TRRAP: variants seen among roughly 807,000 people sequenced by gnomAD.
The protein encoded by TRRAP is transformation/transcription domain associated protein.
In TRRAP, 41 loss-of-function variants were observed where a neutral mutation model predicts 438.8. The observed-to-expected ratio is 0.09, with a 90% CI of 0.07 to 0.12. The LOEUF is 0.12. Among genes scored for constraint, TRRAP ranks in the 10% least tolerant of loss-of-function variants. The probability of loss-of-function intolerance (pLI) is 1.00; values close to 1 mark genes in which losing one functional copy is unlikely to be tolerated. For synonymous variants in TRRAP, 1,994 were observed against 1,962.9 expected (o/e 1.02, Z -0.42); for missense variants, 3,122 against 5,055.1 (o/e 0.62, Z 11.60).
At position 98,993,618 on chromosome 7, in the gene TRRAP, C is replaced by G; in HGVS notation, c.9928C>G (p.Pro3310Ala). 6.2e-7 allele frequency: 1 copy of G among 1,614,218 alleles called. No individual in the cohort carries two copies. Among genetic ancestry groups the G allele is most frequent in the Non-Finnish European group, 8.5e-7 (1 of 1,180,050 alleles). The change falls in exon 66 of 73, where the codon CCC (proline) becomes GCC (alanine). Residue 3310 changes from proline to alanine, a missense_variant. Pro to Ala is a conservative substitution (Grantham distance 27, BLOSUM62 -1). Around this residue, in one of 24 missense-constraint regions of TRRAP, gnomAD observed 107 missense variants for 327.5 expected, o/e 0.33. Transcript: ENST00000456197. ...SDPGPIRATA[P>A]MWRCSRIMHM... ...TCCAGGGCCCATAAGAGCAACAGCA[C>G]CCATGTGGCGCTGCAGCCGAATCAT...
intron 4 of TRRAP, among the ~76,000 whole-genome samples, chr7:98,891,873 G>A (rs1429311426): frequency 7.2e-5 from 11 of 152,118 alleles, no homozygotes; most frequent in Admixed American, 5.2e-4. Context: ...TTTAAAAAAC[G>A]TTCCCATAAT....
intron 53 of TRRAP, among the ~76,000 whole-genome samples, chr7:98,972,505 A>G (rs190275506): frequency 1.9e-4 from 29 of 152,322 alleles, no homozygotes; most frequent in African/African-American, 6.7e-4. Context: ...AAATGAGTTA[A>G]TTTGCTAAAT....
intron 30 of TRRAP, among the ~76,000 whole-genome samples, chr7:98,939,842 CT>C (rs1365087464): frequency 1.3e-5 from 2 of 152,120 alleles, no homozygotes; most frequent in African/African-American, 4.8e-5. Context: ...TTTTTGCTGC[CT>C]TTGTATGCTT....
chr7:98,888,437 T>C (rs1795809340), intron 3 of TRRAP, among the ~76,000 whole-genome samples: 1 of 151,408 alleles, frequency 6.6e-6, no homozygotes, highest in African/African-American at 2.4e-5. Context: ...CTCGAGAGGC[T>C]GAGGCAGGAG....
At chr7:98,897,655 CTTTTTGTTTT>C (rs1796276191) in intron 7 of TRRAP, 76 bp from the exon 8 acceptor site, 1 of 1,465,472 alleles carries the variant, frequency 6.8e-7, no homozygotes, top group African/African-American at 1.5e-5. Context: ...AGTCAAGCGT[CTTTTTGTTTT>C]GTTTTGTTTT....
At chr7:98,888,186 C>T (rs887331173) in intron 3 of TRRAP, among the ~76,000 whole-genome samples, 7 of 150,706 alleles carry the variant, frequency 4.6e-5, no homozygotes, top group Admixed American at 6.6e-5. Flanking sequence ...GCCGAGATCA[C>T]GCCACTGCAC....
rs933033662 is a variant in TRRAP, at chr7:99,005,983, T to C, written c.10753+635T>C. On this transcript the variant is annotated intron_variant, in intron 69 of 72. Transcript: ENST00000456197. The surrounding 1 kb of genome is among the most constrained non-coding windows in gnomAD (Gnocchi z 5.1). ...GGTTTCCAGCGCGCCTCTAGCTGCT[T>C]CACACGCTGCACTCTGGGCCCTCCC... 6.6e-6 allele frequency among the ~76,000 whole-genome samples: 1 copy of C among 152,108 alleles called. No individual in the cohort carries two copies. The highest frequency in any genetic ancestry group is 1.5e-5 in the Non-Finnish European group (1 of 67,998).
At chr7:98,936,951 G>A (rs927397623) in intron 28 of TRRAP, among the ~76,000 whole-genome samples, 13 of 152,234 alleles carry the variant, frequency 8.5e-5, no homozygotes, top group South Asian at 4.1e-4. Context: ...AAATTCAGCC[G>A]GGGGCAGTGG....
At chr7:98,939,474 T>C (rs141290798) in intron 30 of TRRAP, among the ~76,000 whole-genome samples, 99 of 152,328 alleles carry the variant, frequency 6.5e-4, no homozygotes, top group African/African-American at 2.3e-3. Flanking sequence ...ACCTAAATAA[T>C]AATGACCCAA....
Position 98,908,940 on chromosome 7 carries a change from A to ACCT in TRRAP, c.1329_1330insCTC (p.Asp443_Val444insLeu). 1 of 1,613,638 alleles carries ACCT rather than the reference A, an allele frequency of 6.2e-7. No individual in the cohort carries two copies. The highest frequency in any genetic ancestry group is 8.5e-7 in the Non-Finnish European group (1 of 1,179,874). The stretch of plus-strand genomic sequence containing the variant: ...GAGCAGGAGAGTGGCAATGGGAGAG[A>ACCT]CGTCCTGATGCGGATGCTGGAGGTA... On this transcript the variant is annotated inframe_insertion, in exon 14 of 73. Transcript: ENST00000456197. This position sits in a 1 kb window ranked among gnomAD's most constrained non-coding sequence, Gnocchi z 4.1.
chr7:98,899,150 C>T (rs564396068), intron 8 of TRRAP, among the ~76,000 whole-genome samples: 1 of 152,296 alleles, frequency 6.6e-6, no homozygotes, highest in African/African-American at 2.4e-5. Context: ...GATCGCACCA[C>T]TGCATTCCAG....
intron 12 of TRRAP, among the ~76,000 whole-genome samples, chr7:98,904,950 AT>A (rs1433584065): frequency 2.6e-5 from 4 of 152,212 alleles, no homozygotes; most frequent in African/African-American, 7.2e-5. Context: ...GTGGTAACTC[AT>A]TTTCACTCAT....
Position 98,987,087 on chromosome 7 carries a change from C to T in TRRAP, c.9390-1678C>T, listed in dbSNP as rs552769878. ...ATCACTTGAGCCCAGGAGTTTGAGACCAACCTGGACAATATAGTGGAGACC... is the reference window on the plus strand; with the variant it reads ...ATCACTTGAGCCCAGGAGTTTGAGATCAACCTGGACAATATAGTGGAGACC... On this transcript the variant is annotated intron_variant, in intron 62 of 72. Coordinates refer to ENST00000456197, the MANE Select transcript of TRRAP (RefSeq NM_001375524.1). 9.2e-5 allele frequency among the ~76,000 whole-genome samples: 14 copies of T among 152,226 alleles called. No individual in the cohort carries two copies. The South Asian group carries it at 2.1e-3, about 23-fold the overall frequency.
rs1554407505 is a variant in TRRAP, at chr7:98,906,252, T to C, written c.1112T>C (p.Leu371Pro). Reference sequence around the variant, plus strand: ...TCAGGATATACTGCCAGAGAGACTCTAAGGTATGAGATTAAACCAGTGATA... The same window carrying C: ...TCAGGATATACTGCCAGAGAGACTCCAAGGTATGAGATTAAACCAGTGATA... ...IGSGYTARET[L>P]RPLAYSTLAD... Residue 371 changes from leucine (L) to proline (P), a missense_variant, in exon 13 of 73, where the codon CTA becomes CCA. Physicochemically the swap from Leu to Pro is moderately conservative, Grantham distance 98. Transcript: ENST00000456197. 2 of 1,613,558 alleles carry C rather than the reference T, an allele frequency of 1.2e-6. No individual in the cohort carries two copies. The highest frequency in any genetic ancestry group is 1.3e-5 in the African/African-American group (1 of 75,024).
Position 98,892,411 on chromosome 7 carries a change from T to G in TRRAP, c.262-13T>G. 13 of 1,602,838 alleles carry G rather than the reference T, an allele frequency of 8.1e-6. No homozygotes were observed. The highest frequency in any genetic ancestry group is 1.1e-5 in the Non-Finnish European group (13 of 1,171,376). On this transcript the variant is annotated splice_polypyrimidine_tract_variant and intron_variant, in intron 4 of 72. Coordinates refer to ENST00000456197, the MANE Select transcript of TRRAP (RefSeq NM_001375524.1). ...TATTTTTATCCTTACATTTATTTATTTTTTCTTGCCAGCAACTGCGGAAGC... is the reference window on the plus strand; with the variant it reads ...TATTTTTATCCTTACATTTATTTATGTTTTCTTGCCAGCAACTGCGGAAGC...
At position 99,011,311 on chromosome 7, in the gene TRRAP, G is replaced by C. The variant is rs1277167745; in HGVS notation, c.11143-30G>C. Reference sequence around the variant, plus strand: ...CTCGTGACATCGCCTTTCTGCTGAAGTTCCTAAAGTGTCTCCTTCTGAAAT... The same window carrying C: ...CTCGTGACATCGCCTTTCTGCTGAACTTCCTAAAGTGTCTCCTTCTGAAAT... On this transcript the variant is annotated intron_variant, in intron 71 of 72. Coordinates refer to ENST00000456197, the MANE Select transcript of TRRAP (RefSeq NM_001375524.1). The surrounding 1 kb of genome is among the most constrained non-coding windows in gnomAD (Gnocchi z 7.1). The C allele has an allele frequency of 6.2e-7, 1 of 1,612,820 alleles. No individual in the cohort carries two copies. Among genetic ancestry groups the C allele is most frequent in the Admixed American group, 1.7e-5 (1 of 60,004 alleles).
In TRRAP at chr7:98,949,513, A is replaced by G. The variant is rs1554417672; in HGVS notation, c.4885A>G (p.Thr1629Ala). The change falls in exon 36 of 73, where the codon ACG becomes GCG. Residue 1629 changes from threonine (T) to alanine (A), a missense_variant. Thr to Ala is a moderately conservative substitution (Grantham distance 58). This residue lies in a region of TRRAP where 272 missense variants were observed against 348.5 expected (regional missense o/e 0.78). Transcript: ENST00000456197. ...CCTGCTGCTGCCGGGGGGTGCCCAG[A>G]CGGCTGTGCGCCCCGGTTCGCCCAG... ...ITLLLPGGAQTAVRPGSPSTS... is the reference protein window; with the variant it reads ...ITLLLPGGAQAAVRPGSPSTS... 6.2e-7 allele frequency: 1 copy of G among 1,609,270 alleles called. No individual in the cohort carries two copies.
At chr7:98,882,725 G>C (rs1233360522) in intron 3 of TRRAP, among the ~76,000 whole-genome samples, 1 of 151,698 alleles carries the variant, frequency 6.6e-6, no homozygotes, top group Non-Finnish European at 1.5e-5. Flanking sequence ...GCAGTGGCGT[G>C]ATCTTGGCTC....
chr7:98,933,506 G>A, intron 27 of TRRAP, 104 bp downstream of exon 27: 1 of 1,458,310 alleles, frequency 6.9e-7, no homozygotes, highest in Non-Finnish European at 9.1e-7. Context: ...AGAAGGCTCG[G>A]GCGGGGACCT....
Sources: gnomAD v4.1 joint callset for allele counts (sites outside exome capture counted in the v4.1 genomes callset) on GRCh38, gnomAD v4.1.1 for gene constraint, gnomAD v4.1.1 regional missense constraint, Gnocchi (gnomAD v3.1) non-coding constraint, MANE v1.5 for transcripts, NCBI Gene and HGNC (gene_info 2026-07-23, HGNC 2026-07-21) for gene names.